The following TM9SF1 variants were observed in gnomAD, a reference collection of about 807,000 sequenced individuals.
TM9SF1 encodes MP70 protein family member.
Under a neutral mutation model 52.4 loss-of-function variants are expected in TM9SF1, and 25 were observed. That is an observed-to-expected ratio of 0.48 (90% CI 0.35 to 0.67). The LOEUF (loss-of-function observed/expected upper bound fraction) is 0.67. Among genes scored for constraint, TM9SF1 ranks in the 30% least tolerant of loss-of-function variants. The probability of loss-of-function intolerance (pLI) is 0.01; values close to 1 mark genes in which losing one functional copy is unlikely to be tolerated. For missense variants in TM9SF1, 604 were observed against 780.3 expected, an observed-to-expected ratio of 0.77 and a Z score of 2.69; for synonymous variants, 284 against 299.8, an observed-to-expected ratio of 0.95 and a Z score of 0.55.
Position 24,189,781 on chromosome 14 carries a change from G to A in TM9SF1, c.1455C>T (p.Ile485=). 1 of 1,613,028 alleles carries A rather than the reference G, an allele frequency of 6.2e-7. No individual in the cohort carries two copies. Among genetic ancestry groups the A allele is most frequent in the Non-Finnish European group, 8.5e-7 (1 of 1,179,130 alleles). ...FSAISVELYY[I]FATVWGREQY... ...GCTCCCGACCCCATACTGTGGCAAA[G>A]ATGTAGTACAGCTCCACAGAGATGG... The change falls in exon 6 of 6, where the codon ATC becomes ATT. Residue 485 remains isoleucine, a synonymous_variant. Transcript: ENST00000261789.
chr14:24,191,200 C>G (rs1061838), intron 4 of TM9SF1, among the ~76,000 whole-genome samples: 69,336 of 151,954 alleles, frequency 0.46, 15,994 homozygotes, highest in South Asian at 0.56. Context: ...CATCCCCCAA[C>G]CCGGTGTCAT....
intron 2 of TM9SF1, 46 bp from the exon 3 acceptor site, chr14:24,193,315 C>A: frequency 2.0e-6 from 3 of 1,536,714 alleles, no homozygotes; most frequent in Middle Eastern, 1.8e-4. Flanking sequence ...TCTCCCCAGG[C>A]GCAGAGTTAC....
intron 2 of TM9SF1, 131 bp downstream of exon 2, chr14:24,194,544 G>T: frequency 1.1e-6 from 1 of 877,566 alleles, no homozygotes; most frequent in Non-Finnish European, 1.8e-6. Context: ...TAACCTGCCT[G>T]CCACACTGGG....
chr14:24,191,151 C>A (rs1334892781), intron 4 of TM9SF1, among the ~76,000 whole-genome samples: 4 of 152,164 alleles, frequency 2.6e-5, no homozygotes, highest in Non-Finnish European at 4.4e-5. Flanking sequence ...AGGCATGAGC[C>A]ACCACACCCG....
intron 2 of TM9SF1, 110 bp downstream of exon 2, chr14:24,194,565 G>A (rs148365988): frequency 1.8e-5 from 19 of 1,071,688 alleles, no homozygotes; most frequent in Middle Eastern, 5.7e-4. Context: ...TTGTATTGTA[G>A]TTAGAATCAA....
chr14:24,193,011 G>C lies in TM9SF1; in HGVS notation c.604C>G (p.His202Asp). The C allele has an allele frequency of 6.2e-7, 1 of 1,614,216 alleles. No homozygotes were observed. The highest frequency in any genetic ancestry group is 8.5e-7 in the Non-Finnish European group (1 of 1,180,040). The change falls in exon 3 of 6, where the codon CAC (histidine) becomes GAC (aspartate). Residue 202 changes from histidine to aspartate, a missense_variant. Coordinates refer to ENST00000261789, the MANE Select transcript of TM9SF1 (RefSeq NM_006405.7). The stretch of plus-strand genomic sequence containing the variant: ...TCAGACCAGCGCACGCTATAAGTGT[G>C]GGTAAGGCCTAGGAACTCGTCAGGT... ...LRPDEFLGLT[H>D]TYSVRWSETS...
rs772121073 is a variant in TM9SF1, at chr14:24,194,733, C to T, written c.287G>A (p.Arg96His). 122 of 1,614,090 alleles carry T rather than the reference C, an allele frequency of 7.6e-5. No homozygotes were observed. Among genetic ancestry groups the T allele is most frequent in the Non-Finnish European group, 1.0e-4 (121 of 1,180,032 alleles). The change falls in exon 2 of 6, where the codon CGC becomes CAC. Residue 96 changes from arginine to histidine, a missense_variant. By Grantham distance (29) the Arg-to-His change is conservative. Transcript: ENST00000261789. ...DRMAESLYEI[R>H]FRENVEKRIL... ...TCTCTTCTCCACGTTTTCCCGAAAG[C>T]GGATCTCATACAAAGACTCAGCCAT...
At chr14:24,194,500 G>A (rs1308526655) in intron 2 of TM9SF1, among the ~76,000 whole-genome samples, 175 bp downstream of exon 2, 1 of 152,206 alleles carries the variant, frequency 6.6e-6, no homozygotes, top group Non-Finnish European at 1.5e-5. Flanking sequence ...GAGCAAGTAT[G>A]TATCTTAGTC....
chr14:24,192,829 C>G lies in TM9SF1; in HGVS notation c.786G>C (p.Arg262=), dbSNP rs767855608. The change falls in exon 3 of 6, where the codon CGG becomes CGC. Residue 262 remains arginine, a synonymous_variant. Coordinates refer to ENST00000261789, the MANE Select transcript of TM9SF1 (RefSeq NM_006405.7). The surrounding 1 kb of genome is among the most constrained non-coding windows in gnomAD (Gnocchi z 4.0). ...FVAVILMRVL[R]NDLARYNLDE... Reference sequence around the variant, plus strand: ...CTAAGTTGTACCGAGCCAGGTCATTCCGAAGCACACGCATTAGAATGACAG... The same window carrying G: ...CTAAGTTGTACCGAGCCAGGTCATTGCGAAGCACACGCATTAGAATGACAG... 6.2e-6 allele frequency: 10 copies of G among 1,613,580 alleles called. No homozygotes were observed. The South Asian group carries it at 1.1e-4, about 18-fold the overall frequency.
At chr14:24,194,275 ATTCAC>A (rs1412831421) in intron 2 of TM9SF1, among the ~76,000 whole-genome samples, 1 of 152,206 alleles carries the variant, frequency 6.6e-6, no homozygotes, top group East Asian at 1.9e-4. Flanking sequence ...AAGTACCAGG[ATTCAC>A]TAAAGAAAAA....
In TM9SF1 at chr14:24,189,671, A is replaced by T. The variant is rs1205355536; in HGVS notation, c.1565T>A (p.Phe522Tyr). Residue 522 changes from phenylalanine to tyrosine, a missense_variant, in exon 6 of 6, where the codon TTC (phenylalanine) becomes TAC (tyrosine). Phe to Tyr is a conservative substitution (Grantham distance 22). Coordinates refer to ENST00000261789, the MANE Select transcript of TM9SF1 (RefSeq NM_006405.7). ...GCGGTAATCCTCCCCAGACAACTGGAAGTAGGTGAGTGCAATGGAGATGCA... is the reference window on the plus strand; with the variant it reads ...GCGGTAATCCTCCCCAGACAACTGGTAGTAGGTGAGTGCAATGGAGATGCA... ...GACISIALTY[F>Y]QLSGEDYRWW... The T allele has an allele frequency of 7.4e-6, 12 of 1,614,076 alleles. No individual in the cohort carries two copies. Among genetic ancestry groups the T allele is most frequent in the Middle Eastern group, 1.6e-4 (1 of 6,084 alleles).
Position 24,192,005 on chromosome 14 carries a change from TCTCA to T in TM9SF1, c.1153+162_1153+165del. ...CTAATTTTTTGTTATAGAGAGAGGG[TCTCA>T]CTATGTTGTCTAGGCTTGTCTCAAA... is the stretch of plus-strand genomic sequence containing the variant. On this transcript the variant is annotated intron_variant, in intron 4 of 5. Coordinates refer to ENST00000261789, the MANE Select transcript of TM9SF1 (RefSeq NM_006405.7). The surrounding 1 kb of genome is among the most constrained non-coding windows in gnomAD (Gnocchi z 4.0). 1 of 675,652 alleles carries T rather than the reference TCTCA, an allele frequency of 1.5e-6. No individual in the cohort carries two copies. Among genetic ancestry groups the T allele is most frequent in the Non-Finnish European group, 2.6e-6 (1 of 382,408 alleles). The allele number at this position is 675,652 out of a possible 1,614,324, so 41.9% of individuals were successfully genotyped here.
chr14:24,192,453 T>A lies in TM9SF1; in HGVS notation c.968-97A>T, dbSNP rs968077836. On this transcript the variant is annotated intron_variant, in intron 3 of 5. Coordinates refer to ENST00000261789, the MANE Select transcript of TM9SF1 (RefSeq NM_006405.7). The surrounding 1 kb of genome is among the most constrained non-coding windows in gnomAD (Gnocchi z 4.0). ...CCCCCCTTCTCCCAGACCCAGGGCC[T>A]CCAGCAAAACAATCTCCCCCAGTTT... The A allele has an allele frequency of 6.9e-7, 1 of 1,444,186 alleles. No individual in the cohort carries two copies. Among genetic ancestry groups the A allele is most frequent in the Non-Finnish European group, 9.4e-7 (1 of 1,066,350 alleles). The allele number at this position is 1,444,186 out of a possible 1,614,324, so 89.5% of individuals were successfully genotyped here. A position where few individuals can be genotyped will look rare whatever the true frequency, so the allele number is the denominator to read the frequency against.
At position 24,195,397 on chromosome 14, in the gene TM9SF1, G is replaced by A. The variant is rs2039384731; in HGVS notation, c.-69C>T. On this transcript the variant is annotated 5_prime_UTR_variant, in exon 1 of 6. Coordinates refer to ENST00000261789, the MANE Select transcript of TM9SF1 (RefSeq NM_006405.7). ...CGCCAGCGGCCTTCGCGCCCCCGTA[G>A]CTGCCTTTGGGCTCCTGCTGGGGTC... 4.3e-6 allele frequency: 1 copy of A among 232,670 alleles called. No homozygotes were observed. The allele number at this position is 232,670 out of a possible 1,614,324, so 14.4% of individuals were successfully genotyped here.
Position 24,189,545 on chromosome 14 carries a change from A to G in TM9SF1, c.1691T>C (p.Val564Ala). 1.2e-6 allele frequency: 2 copies of G among 1,614,222 alleles called. No homozygotes were observed. The highest frequency in any genetic ancestry group is 1.7e-6 in the Non-Finnish European group (2 of 1,180,042). ...GTAGCCGAAGAACTCTACTGTCTGT[A>G]CTGCCCCAGACATGTTGGAGCGCCG... ...YARRSNMSGAVQTVEFFGYSL... is the reference protein window; with the variant it reads ...YARRSNMSGAAQTVEFFGYSL... The change falls in exon 6 of 6, where the codon GTA (valine) becomes GCA (alanine). Residue 564 changes from valine (V) to alanine (A), a missense_variant. Coordinates refer to ENST00000261789, the MANE Select transcript of TM9SF1 (RefSeq NM_006405.7).
chr14:24,192,943 A>G lies in TM9SF1; in HGVS notation c.672T>C (p.Asp224=), dbSNP rs149048825. The change falls in exon 3 of 6, where the codon GAT becomes GAC. Residue 224 remains aspartate, a synonymous_variant. Coordinates refer to ENST00000261789, the MANE Select transcript of TM9SF1 (RefSeq NM_006405.7). The surrounding 1 kb of genome is among the most constrained non-coding windows in gnomAD (Gnocchi z 4.0). The stretch of plus-strand genomic sequence containing the variant: ...CCAGTGTTCGAGGAAAGAAACCACC[A>G]TCGTCACCACGGCGCCTGTCACTCC... ...ERRSDRRRGD[D]GGFFPRTLEI... is the part of the protein sequence containing the mutation. 99 of 1,614,140 alleles carry G rather than the reference A, an allele frequency of 6.1e-5. No homozygotes were observed. In the African/African-American group the frequency reaches 1.2e-3, roughly 19 times the overall value.
intron 4 of TM9SF1, 67 bp from the exon 5 acceptor site, chr14:24,190,720 C>T (rs2039308152): frequency 6.3e-6 from 9 of 1,429,276 alleles, no homozygotes; most frequent in Non-Finnish European, 7.5e-6. Flanking sequence ...CACCCACTTA[C>T]ATCCAGGACC....
At position 24,194,865 on chromosome 14, in the gene TM9SF1, T is replaced by C; in HGVS notation, c.155A>G (p.Tyr52Cys). 1.2e-6 allele frequency: 2 copies of C among 1,614,224 alleles called. No homozygotes were observed. Among genetic ancestry groups the C allele is most frequent in the Non-Finnish European group, 1.7e-6 (2 of 1,180,042 alleles). The change falls in exon 2 of 6, where the codon TAC becomes TGC. Residue 52 changes from tyrosine (Y) to cysteine (C), a missense_variant. By Grantham distance (194) the Tyr-to-Cys change is radical. Around this residue, in one of 3 missense-constraint regions of TM9SF1, gnomAD observed 450 missense variants for 560.1 expected, o/e 0.80. Coordinates refer to ENST00000261789, the MANE Select transcript of TM9SF1 (RefSeq NM_006405.7). The stretch of plus-strand genomic sequence containing the variant: ...GTGGTAAGTTTCCTGAGGGTTATGG[T>C]AGGGTCCCACTTTGTTGACATACAG... The part of the protein sequence containing the change: ...VILYVNKVGP[Y>C]HNPQETYHYY...
Position 24,192,951 on chromosome 14 carries a change from C to T in TM9SF1, c.664G>A (p.Gly222Ser). The change falls in exon 3 of 6, where the codon GGT (glycine) becomes AGT (serine). Residue 222 changes from glycine to serine, a missense_variant. Gly to Ser is a moderately conservative substitution (Grantham distance 56). Around this residue, in one of 3 missense-constraint regions of TM9SF1, gnomAD observed 450 missense variants for 560.1 expected, o/e 0.80. Transcript: ENST00000261789. The surrounding 1 kb of genome is among the most constrained non-coding windows in gnomAD (Gnocchi z 4.0). ...CGAGGAAAGAAACCACCATCGTCAC[C>T]ACGGCGCCTGTCACTCCGACGCTCC... ...SVERRSDRRR[G>S]DDGGFFPRTL... The T allele has an allele frequency of 1.2e-6, 2 of 1,614,060 alleles. No homozygotes were observed. The highest frequency in any genetic ancestry group is 1.6e-4 in the Middle Eastern group (1 of 6,062).
Sources: gnomAD v4.1 joint callset for allele counts (sites outside exome capture counted in the v4.1 genomes callset) on GRCh38, gnomAD v4.1.1 for gene constraint, gnomAD v4.1.1 regional missense constraint, Gnocchi (gnomAD v3.1) non-coding constraint, MANE v1.5 for transcripts, NCBI Gene and HGNC (gene_info 2026-07-23, HGNC 2026-07-21) for gene names.